The following DIO2 variants were observed in gnomAD, a reference collection of about 807,000 sequenced individuals.
DIO2 encodes type II iodothyronine deiodinase.
In DIO2, 19 loss-of-function variants were observed where a neutral mutation model predicts 21.4. That is an observed-to-expected ratio of 0.89 (90% CI 0.62 to 1.30). DIO2 has a LOEUF of 1.30. Ranked by LOEUF, DIO2 falls within the 50% of genes most tolerant of loss-of-function variation. The pLI is 0.00. For missense variants in DIO2, 302 were observed against 338.1 expected (o/e 0.89, Z 0.84); for synonymous variants, 122 against 132.9 (o/e 0.92, Z 0.57).
chr14:80,215,508 C>T (rs546231976), upstream of DIO2, among the ~76,000 whole-genome samples: 1 of 152,312 alleles, frequency 6.6e-6, no homozygotes, highest in Non-Finnish European at 1.5e-5. Context: ...AGCATCCAGA[C>T]AGTTCTGTCA....
Position 80,202,448 on chromosome 14 carries a change from C to G in DIO2, c.*241G>C, listed in dbSNP as rs984017882. The G allele has an allele frequency of 9.6e-6, 7 of 730,320 alleles. No individual in the cohort carries two copies. Among genetic ancestry groups the G allele is most frequent in the African/African-American group, 5.1e-5 (3 of 58,340 alleles). 45.2% of individuals were successfully genotyped at this position (730,320 alleles called of 1,614,324 possible). A position where few individuals can be genotyped will look rare whatever the true frequency, so the allele number is the denominator to read the frequency against. On this transcript the variant is annotated 3_prime_UTR_variant, in exon 2 of 2. Transcript: ENST00000438257. ...TGAATTAGCGTTTCTTCCTCTCCAT[C>G]TTGGGATCTTTTCACATAGGGCTTT...
chr14:80,206,109 C>T, intron 1 of DIO2: 1 of 704,890 alleles, frequency 1.4e-6, no homozygotes, highest in Non-Finnish European at 2.4e-6. Context: ...GCCAGGGTCC[C>T]TTACTGAATG....
In DIO2 at chr14:80,202,717, C is replaced by T. The variant is rs1388966884; in HGVS notation, c.794G>A (p.Arg265Lys). ...RHWLEKNFSK[R>K]UKKTRLAG ...ACCAGCTAATCTAGTTTTCTTTCATCTCTTGCTGAAATTCTTCTCCAGCCA... is the reference window on the plus strand; with the variant it reads ...ACCAGCTAATCTAGTTTTCTTTCATTTCTTGCTGAAATTCTTCTCCAGCCA... Residue 265 changes from arginine (R) to lysine (K), a missense_variant, in exon 2 of 2, where the codon AGA becomes AAA. Transcript: ENST00000438257. 1.2e-6 allele frequency: 2 copies of T among 1,613,566 alleles called. No homozygotes were observed. Among genetic ancestry groups the T allele is most frequent in the Admixed American group, 1.7e-5 (1 of 59,986 alleles).
intron 2 of DIO2, among the ~76,000 whole-genome samples, chr14:80,230,133 G>A (rs917873670): frequency 2.7e-4 from 41 of 152,096 alleles, no homozygotes; most frequent in African/African-American, 3.6e-4. Context: ...GGGTCGAGGC[G>A]GGGATGTGGC....
chr14:80,228,017 T>G (rs1489834756), intron 2 of DIO2, among the ~76,000 whole-genome samples: 1 of 152,232 alleles, frequency 6.6e-6, no homozygotes, highest in African/African-American at 2.4e-5. Flanking sequence ...TAGTCGGACT[T>G]ATTTCCCATC....
upstream of DIO2, chr14:80,211,524 C>T: frequency 1.0e-6 from 1 of 995,564 alleles, no homozygotes. Flanking sequence ...CCCCTTCACC[C>T]TCTTATTTAA....
chr14:80,224,046 G>A (rs375535580), intron 2 of DIO2, among the ~76,000 whole-genome samples: 1 of 152,172 alleles, frequency 6.6e-6, no homozygotes, highest in African/African-American at 2.4e-5. Context: ...AGTAAGGATT[G>A]CTGACTCTCA....
At chr14:80,228,039 A>T (rs940446754) in intron 2 of DIO2, among the ~76,000 whole-genome samples, 2 of 152,222 alleles carry the variant, frequency 1.3e-5, no homozygotes, top group Non-Finnish European at 2.9e-5. Flanking sequence ...TCTGACACAC[A>T]AATGTCTCAC....
At position 80,211,278 on chromosome 14, in the gene DIO2, C is replaced by A; in HGVS notation, c.195G>T (p.Lys65Asn). The A allele has an allele frequency of 6.2e-7, 1 of 1,612,502 alleles. No individual in the cohort carries two copies. Among genetic ancestry groups the A allele is most frequent in the Non-Finnish European group, 8.5e-7 (1 of 1,179,838 alleles). The change falls in exon 1 of 2, where the codon AAG becomes AAT. Residue 65 changes from lysine (K) to asparagine (N), a missense_variant. Physicochemically the swap from Lys to Asn is moderately conservative, Grantham distance 94. Coordinates refer to ENST00000438257, the MANE Select transcript of DIO2 (RefSeq NM_013989.5). ...GTTTGTAGGCATCGAGGAGGAAGCT[C>A]TTCCAGACGCAGCGCAGTCCCTCTG... Reference protein sequence around the residue: ...LTSEGLRCVWKSFLLDAYKQV... With the variant: ...LTSEGLRCVWNSFLLDAYKQV...
chr14:80,229,704 C>G (rs1306875297), intron 2 of DIO2, among the ~76,000 whole-genome samples: 2 of 152,134 alleles, frequency 1.3e-5, no homozygotes, highest in African/African-American at 4.8e-5. Flanking sequence ...AGCAAATAAA[C>G]TATTAGAACA....
At chr14:80,221,504 T>C (rs1888464627) in intron 2 of DIO2, among the ~76,000 whole-genome samples, 1 of 152,198 alleles carries the variant, frequency 6.6e-6, no homozygotes, top group Non-Finnish European at 1.5e-5. Context: ...TTTAATGGTA[T>C]GCAGTACACA....
chr14:80,218,201 AC>A (rs1418747804), intron 2 of DIO2, among the ~76,000 whole-genome samples: 2 of 151,934 alleles, frequency 1.3e-5, no homozygotes, highest in African/African-American at 2.4e-5. Context: ...AAACAAACAA[AC>A]AAAAACAAAG....
chr14:80,227,340 C>T (rs1888596891), intron 2 of DIO2, among the ~76,000 whole-genome samples: 1 of 152,154 alleles, frequency 6.6e-6, no homozygotes, highest in African/African-American at 2.4e-5. Flanking sequence ...CTTACTTATG[C>T]CTTCAGGACC....
At chr14:80,218,018 G>A (rs1284009563) in intron 2 of DIO2, among the ~76,000 whole-genome samples, 1 of 152,052 alleles carries the variant, frequency 6.6e-6, no homozygotes, top group Non-Finnish European at 1.5e-5. Context: ...GCAAAATGGA[G>A]GTTAAAATGT....
chr14:80,224,824 T>C (rs944884195), intron 2 of DIO2, among the ~76,000 whole-genome samples: 2 of 152,186 alleles, frequency 1.3e-5, no homozygotes, highest in African/African-American at 4.8e-5. Flanking sequence ...TTACTCAGGG[T>C]TCCCTAGAGG....
At chr14:80,207,550 T>G (rs1191027018) in intron 1 of DIO2, among the ~76,000 whole-genome samples, 1 of 152,206 alleles carries the variant, frequency 6.6e-6, no homozygotes, top group Non-Finnish European at 1.5e-5. Flanking sequence ...CACATACTAC[T>G]TGCTATCCAA....
intron 1 of DIO2, chr14:80,206,255 G>A: frequency 1.3e-6 from 2 of 1,574,426 alleles, no homozygotes; most frequent in South Asian, 2.4e-5. Flanking sequence ...AATGTGAGTA[G>A]ACCAGTAGTC....
In DIO2 at chr14:80,200,366, G is replaced by A. The variant is rs1201478343; in HGVS notation, c.*2323C>T. On this transcript the variant is annotated 3_prime_UTR_variant, in exon 2 of 2. Coordinates refer to ENST00000438257, the MANE Select transcript of DIO2 (RefSeq NM_013989.5). ...CTTCTTTAAAAATATAGCACAACTG[G>A]GTGATTTTTCCATCATCCTTTTCCC... is the stretch of plus-strand genomic sequence containing the variant. 6.6e-6 allele frequency: 1 copy of A among 152,496 alleles called. No homozygotes were observed. Among genetic ancestry groups the A allele is most frequent in the Non-Finnish European group, 1.5e-5 (1 of 68,020 alleles). 9.4% of individuals were successfully genotyped at this position (152,496 alleles called of 1,614,324 possible). A position where few individuals can be genotyped will look rare whatever the true frequency, so the allele number is the denominator to read the frequency against.
chr14:80,218,267 C>T (rs1412200226), intron 2 of DIO2, among the ~76,000 whole-genome samples: 2 of 151,788 alleles, frequency 1.3e-5, no homozygotes, highest in African/African-American at 4.8e-5. Flanking sequence ...GGCAGGCAGG[C>T]CACATATTAT....
Sources: gnomAD v4.1 joint callset for allele counts (sites outside exome capture counted in the v4.1 genomes callset) on GRCh38, gnomAD v4.1.1 for gene constraint, MANE v1.5 for transcripts, NCBI Gene and HGNC (gene_info 2026-07-23, HGNC 2026-07-21) for gene names.